ANKRD44: variants seen among roughly 807,000 people sequenced by gnomAD.
ANKRD44 encodes ankyrin repeat domain 44, also known as serine/threonine-protein phosphatase 6 regulatory ankyrin repeat subunit B.
ANKRD44 carries 35 observed loss-of-function variants against 116.0 expected under a neutral mutation model. The observed-to-expected ratio is 0.30, with a 90% CI of 0.23 to 0.40. The LOEUF is 0.40. ANKRD44 is among the 10% of genes least tolerant of loss of function. The probability of loss-of-function intolerance (pLI) is 1.00; values close to 1 mark genes in which losing one functional copy is unlikely to be tolerated. For synonymous variants in ANKRD44, 435 were observed against 461.8 expected, an observed-to-expected ratio of 0.94 and a Z score of 0.74; for missense variants, 1,014 against 1,242.6, an observed-to-expected ratio of 0.82 and a Z score of 2.77.
rs111706910 is a variant in ANKRD44, at chr2:197,026,047, C to CAAA, written c.1651-783_1651-781dup. On this transcript the variant is annotated intron_variant, in intron 16 of 27. Coordinates refer to ENST00000282272, the MANE Select transcript of ANKRD44 (RefSeq NM_001195144.2). ...CAGAGAAGGGGGAGATAAAAAGAAA[C>CAAA]AAAAAAAAAAAAAACACCTTTCTGG... is the stretch of plus-strand genomic sequence containing the variant. 1.1e-3 allele frequency among the ~76,000 whole-genome samples: 145 copies of CAAA among 130,370 alleles called. 8 individuals are homozygous for CAAA. The South Asian group carries it at 0.014, about 13-fold the overall frequency. 85.5% of individuals were successfully genotyped at this position (130,370 alleles called of 152,430 possible). A position where few individuals can be genotyped will look rare whatever the true frequency, so the allele number is the denominator to read the frequency against.
At chr2:197,128,592 G>A (rs1372969180) in intron 4 of ANKRD44, among the ~76,000 whole-genome samples, 6 of 152,184 alleles carry the variant, frequency 3.9e-5, no homozygotes, top group African/African-American at 1.2e-4. Context: ...TAGGTTGCCT[G>A]TTCACTCTGA....
At chr2:196,974,171 C>A (rs995551350) in intron 21 of ANKRD44, among the ~76,000 whole-genome samples, 3 of 151,982 alleles carry the variant, frequency 2.0e-5, no homozygotes, top group African/African-American at 7.3e-5. Flanking sequence ...CAGCCTCTAT[C>A]TCCGAGGCTT....
chr2:197,016,340 T>G (rs2076393299), intron 17 of ANKRD44, among the ~76,000 whole-genome samples: 1 of 152,240 alleles, frequency 6.6e-6, no homozygotes, highest in Non-Finnish European at 1.5e-5. Context: ...TATATTGTCT[T>G]GTAAATTGGG....
chr2:197,001,863 A>G (rs370857916), intron 21 of ANKRD44, 23 bp from the exon 22 acceptor site: 371 of 1,575,624 alleles, frequency 2.4e-4, no homozygotes, highest in Admixed American at 3.6e-4. Flanking sequence ...AAAATAATTT[A>G]GGGAGTTTCC....
intron 1 of ANKRD44, among the ~76,000 whole-genome samples, chr2:197,222,681 C>T (rs888458257): frequency 6.6e-6 from 1 of 152,164 alleles, no homozygotes; most frequent in Non-Finnish European, 1.5e-5. Flanking sequence ...TTTCTTTAGG[C>T]AATCCGATCA....
chr2:197,165,871 C>T (rs1037179118), intron 2 of ANKRD44, among the ~76,000 whole-genome samples: 1 of 152,128 alleles, frequency 6.6e-6, no homozygotes, highest in Non-Finnish European at 1.5e-5. Context: ...AATGATTTGA[C>T]TCATTTTATG....
At chr2:197,145,803 T>C (rs2079486206) in intron 3 of ANKRD44, among the ~76,000 whole-genome samples, 1 of 152,174 alleles carries the variant, frequency 6.6e-6, no homozygotes, top group Non-Finnish European at 1.5e-5. Context: ...CTGCAGAGCT[T>C]ACTTTAAGAT....
intron 1 of ANKRD44, among the ~76,000 whole-genome samples, chr2:197,289,874 CTT>C (rs1220826428): frequency 5.5e-5 from 8 of 144,176 alleles, no homozygotes; most frequent in Admixed American, 6.9e-5. Flanking sequence ...CAATTTTTCT[CTT>C]TTTTTTTTTT....
intron 1 of ANKRD44, among the ~76,000 whole-genome samples, chr2:197,197,701 T>TC (rs1226528273): frequency 6.7e-6 from 1 of 149,980 alleles, no homozygotes; most frequent in Non-Finnish European, 1.5e-5. Flanking sequence ...TCCCAGCGAC[T>TC]CGGGAGGCTG....
intron 17 of ANKRD44, chr2:197,015,741 A>AATCC (rs2076379386): frequency 2.0e-6 from 1 of 496,736 alleles, no homozygotes; most frequent in Non-Finnish European, 3.7e-6. Context: ...CTAGTGGTAG[A>AATCC]GGGGGCTATG....
chr2:197,141,527 C>T (rs557845657), intron 3 of ANKRD44, among the ~76,000 whole-genome samples: 35 of 152,284 alleles, frequency 2.3e-4, no homozygotes, highest in African/African-American at 5.3e-4. Flanking sequence ...AATGATCCCA[C>T]GCATGCTGAA....
chr2:197,233,873 C>T (rs926255521), intron 1 of ANKRD44, among the ~76,000 whole-genome samples: 4 of 152,126 alleles, frequency 2.6e-5, no homozygotes, highest in African/African-American at 9.7e-5. Context: ...CCAAATAATA[C>T]CTAAATATAT....
At chr2:197,291,657 G>A (rs543044232) in intron 1 of ANKRD44, among the ~76,000 whole-genome samples, 6 of 152,234 alleles carry the variant, frequency 3.9e-5, no homozygotes, top group East Asian at 1.9e-4. Flanking sequence ...TCCAACTATC[G>A]AATAATGCTT....
chr2:197,102,595 A>G (rs1456536723), intron 9 of ANKRD44, among the ~76,000 whole-genome samples: 1 of 152,092 alleles, frequency 6.6e-6, no homozygotes, highest in African/African-American at 2.4e-5. Flanking sequence ...CCATTTGTTT[A>G]TCTTTTTCTG....
intron 2 of ANKRD44, among the ~76,000 whole-genome samples, chr2:197,186,469 C>G (rs2080662670): frequency 6.6e-6 from 1 of 151,864 alleles, no homozygotes; most frequent in African/African-American, 2.4e-5. Flanking sequence ...GTTATTTAAC[C>G]AGATTTTTTT....
chr2:197,237,683 C>T (rs931745899), intron 1 of ANKRD44, among the ~76,000 whole-genome samples: 2 of 152,154 alleles, frequency 1.3e-5, no homozygotes, highest in Admixed American at 1.3e-4. Flanking sequence ...AATTACATGT[C>T]CCAGAGCATC....
chr2:197,047,993 A>AG (rs1033593456), intron 16 of ANKRD44, among the ~76,000 whole-genome samples: 7 of 152,144 alleles, frequency 4.6e-5, no homozygotes, highest in Non-Finnish European at 8.8e-5. Context: ...TGATTCTAAG[A>AG]GAAAAACAAA....
intron 1 of ANKRD44, chr2:197,199,280 G>A (rs1373007139): frequency 2.0e-5 from 3 of 152,176 alleles, no homozygotes; most frequent in Non-Finnish European, 4.4e-5. Context: ...CCAAGTACAT[G>A]CTATCTTTAT....
intron 9 of ANKRD44, among the ~76,000 whole-genome samples, chr2:197,107,516 GTT>G (rs147912843): frequency 1.3e-5 from 2 of 148,730 alleles, no homozygotes; most frequent in Non-Finnish European, 3.0e-5. Flanking sequence ...AAAGAGTGGG[GTT>G]TTTTTTTTCA....
Sources: gnomAD v4.1 joint callset for allele counts (sites outside exome capture counted in the v4.1 genomes callset) on GRCh38, gnomAD v4.1.1 for gene constraint, MANE v1.5 for transcripts, NCBI Gene and HGNC (gene_info 2026-07-23, HGNC 2026-07-21) for gene names.